The following SFXN3 variants were observed in gnomAD, a reference collection of about 807,000 sequenced individuals.
SFXN3 encodes the protein sideroflexin-3.
In SFXN3, 31 loss-of-function variants were observed where a neutral mutation model predicts 40.4. The observed-to-expected ratio is 0.77, with a 90% CI of 0.58 to 1.04. The LOEUF (loss-of-function observed/expected upper bound fraction) is 1.04. SFXN3 is among the 50% of genes least tolerant of loss of function. The pLI is 0.00. For missense variants in SFXN3, 366 were observed against 408.2 expected, an observed-to-expected ratio of 0.90 and a Z score of 0.89; for synonymous variants, 157 against 160.0, an observed-to-expected ratio of 0.98 and a Z score of 0.14.
chr10:101,039,460 G>T lies in SFXN3; in HGVS notation c.870-29G>T. ...CTGAGTGGGGTTGGATTCAGGGGAC[G>T]TTAACTGGCCTGTGCTGTTCTATTG... On this transcript the variant is annotated intron_variant, in intron 11 of 11. Transcript: ENST00000393459. The surrounding 1 kb of genome is among the most constrained non-coding windows in gnomAD (Gnocchi z 4.6). 6.2e-7 allele frequency: 1 copy of T among 1,604,038 alleles called. No individual in the cohort carries two copies. Among genetic ancestry groups the T allele is most frequent in the South Asian group, 1.1e-5 (1 of 90,854 alleles).
rs17855995 is a variant in SFXN3 at position 101,035,669 on chromosome 10, C to T, written c.332+2C>T. On this transcript the variant is annotated splice_donor_variant, in intron 4 of 11. Transcript: ENST00000393459. LOFTEE classifies it low-confidence loss of function (GC_TO_GT_DONOR). ...TGGCTGCATGCTCACATTCTACAGG[C>T]AGGTCTTGTCCCACGTCCCCTTCTT... The T allele has an allele frequency of 3.3e-5, 53 of 1,606,430 alleles. No individual in the cohort carries two copies. The East Asian group carries it at 1.2e-3, about 35-fold the overall frequency.
intron 4 of SFXN3, 102 bp from the exon 5 acceptor site, chr10:101,035,901 G>A: frequency 2.4e-6 from 3 of 1,239,290 alleles, no homozygotes; most frequent in South Asian, 1.2e-5. Flanking sequence ...CATTAACTGG[G>A]TCCCTTCTTA....
rs955995594 is a variant in SFXN3 at position 101,036,868 on chromosome 10, G to A, written c.593+60G>A. On this transcript the variant is annotated intron_variant, in intron 7 of 11. Transcript: ENST00000393459. This position sits in a 1 kb window ranked among gnomAD's most constrained non-coding sequence, Gnocchi z 4.2. ...AGAATGTAGCACACTGTCCATCCAC[G>A]CAGACCACCTCAGAATGGGGACATC... The A allele has an allele frequency of 3.1e-6, 5 of 1,588,332 alleles. No homozygotes were observed. Among genetic ancestry groups the A allele is most frequent in the African/African-American group, 2.7e-5 (2 of 74,458 alleles).
intron 9 of SFXN3, chr10:101,038,407 T>C (rs977266217): frequency 1.1e-5 from 16 of 1,411,690 alleles, no homozygotes; most frequent in Non-Finnish European, 1.5e-5. Flanking sequence ...GGCAACCAAT[T>C]CTGAGAGGTG....
chr10:101,032,151 A>C, intron 1 of SFXN3, 163 bp from the exon 2 acceptor site: 1 of 328,408 alleles, frequency 3.0e-6, no homozygotes, highest in Non-Finnish European at 5.6e-6. Flanking sequence ...GGGGACTGTA[A>C]ACCAAGGGAG....
intron 2 of SFXN3, among the ~76,000 whole-genome samples, chr10:101,034,441 T>G (rs915578869): frequency 6.6e-6 from 1 of 152,222 alleles, no homozygotes; most frequent in East Asian, 1.9e-4. Flanking sequence ...AGCTACAAAT[T>G]AACAACATCT....
Position 101,039,186 on chromosome 10 carries a change from C to T in SFXN3, c.833C>T (p.Ala278Val). 1 of 1,611,222 alleles carries T rather than the reference C, an allele frequency of 6.2e-7. No individual in the cohort carries two copies. The highest frequency in any genetic ancestry group is 1.1e-5 in the South Asian group (1 of 90,730). ...CTTGTCTCCCCCAGCCTGGTATTTGCAACCCCCCTGTGCTGTGCCCTATTC... is the reference window on the plus strand; with the variant it reads ...CTTGTCTCCCCCAGCCTGGTATTTGTAACCCCCCTGTGCTGTGCCCTATTC... The change falls in exon 11 of 12, where the codon GCA becomes GTA. Residue 278 changes from alanine (A) to valine (V), a missense_variant. Ala to Val is a moderately conservative substitution (Grantham distance 64). Coordinates refer to ENST00000393459, the Ensembl canonical transcript of SFXN3. The surrounding 1 kb of genome is among the most constrained non-coding windows in gnomAD (Gnocchi z 4.6).
exon 8 of SFXN3, chr10:101,037,121 G>T: frequency 6.2e-7 from 1 of 1,613,998 alleles, no homozygotes; most frequent in Non-Finnish European, 8.5e-7. Context: ...CAGGTCAGAG[G>T]CTTGGCTACT....
chr10:101,032,101 A>G (rs1169995932), intron 1 of SFXN3: 1 of 242,810 alleles, frequency 4.1e-6, no homozygotes, highest in Non-Finnish European at 7.9e-6. Flanking sequence ...GGGCACCTAG[A>G]CCGCTTGCTG....
intron 3 of SFXN3, among the ~76,000 whole-genome samples, chr10:101,035,258 A>G (rs1938532539): frequency 6.6e-6 from 1 of 152,242 alleles, no homozygotes; most frequent in Non-Finnish European, 1.5e-5. Flanking sequence ...CTGACCCAGC[A>G]TTTTGGCAGA....
At chr10:101,035,792 G>T (rs868859431) in intron 4 of SFXN3, 125 bp downstream of exon 4, 1 of 1,367,510 alleles carries the variant, frequency 7.3e-7, no homozygotes, top group Middle Eastern at 1.9e-4. Context: ...CCATTCCTCA[G>T]AATTCAGCCT....
chr10:101,039,131 A>G lies in SFXN3; in HGVS notation c.822-44A>G. On this transcript the variant is annotated intron_variant, in intron 10 of 11. Coordinates refer to ENST00000393459, the Ensembl canonical transcript of SFXN3. This position sits in a 1 kb window ranked among gnomAD's most constrained non-coding sequence, Gnocchi z 4.6. ...GTGGGGTGCAGGGAGGGAACACCCTAAGGCCAAAGCTTTACAAACCTTTCC... is the reference window on the plus strand; with the variant it reads ...GTGGGGTGCAGGGAGGGAACACCCTGAGGCCAAAGCTTTACAAACCTTTCC... 6.3e-7 allele frequency: 1 copy of G among 1,577,858 alleles called. No homozygotes were observed. Among genetic ancestry groups the G allele is most frequent in the East Asian group, 2.2e-5 (1 of 44,702 alleles).
rs763692381 is a variant in SFXN3, at chr10:101,037,213, G to C, written c.721+10G>C. Reference sequence around the variant, plus strand: ...GCGATTCCTGCCATGGGTAAGGCGGGAGTGGCTGGGTGGGGCATAGGAGAC... The same window carrying C: ...GCGATTCCTGCCATGGGTAAGGCGGCAGTGGCTGGGTGGGGCATAGGAGAC... On this transcript the variant is annotated intron_variant, in intron 8 of 11. Coordinates refer to ENST00000393459, the Ensembl canonical transcript of SFXN3. 1.9e-6 allele frequency: 3 copies of C among 1,613,954 alleles called. No homozygotes were observed. In the South Asian group the frequency reaches 3.3e-5, roughly 18 times the overall value.
At chr10:101,037,076 A>G in exon 8 of SFXN3, 2 of 1,613,684 alleles carry the variant, frequency 1.2e-6, no homozygotes, top group Non-Finnish European at 1.7e-6. Flanking sequence ...TCCCTTGCAG[A>G]GAGCTGCAGG....
exon 12 of SFXN3, chr10:101,041,132 A>T (rs1938878231): frequency 6.6e-6 from 1 of 152,254 alleles, no homozygotes. Flanking sequence ...GGCAGATGAA[A>T]GGGCTTCAGT....
At chr10:101,034,519 A>G (rs900974146) in intron 2 of SFXN3, among the ~76,000 whole-genome samples, 173 bp from the exon 3 acceptor site, 2 of 151,948 alleles carry the variant, frequency 1.3e-5, no homozygotes, top group African/African-American at 4.9e-5. Context: ...TCCTTTCTAC[A>G]TAGACACAGT....
At chr10:101,038,656 T>C (rs780215887) in exon 10 of SFXN3, 3 of 1,613,474 alleles carry the variant, frequency 1.9e-6, no homozygotes, top group Non-Finnish European at 2.5e-6. Flanking sequence ...CGCCCCTGGC[T>C]GGGGGCACCC....
intron 3 of SFXN3, 115 bp from the exon 4 acceptor site, chr10:101,035,382 G>C (rs948248465): frequency 1.7e-5 from 21 of 1,246,926 alleles, no homozygotes; most frequent in Middle Eastern, 2.9e-4. Context: ...TGCTGAGACT[G>C]GGGGCTGAAG....
Position 101,036,566 on chromosome 10 carries a change from A to G in SFXN3, c.507+5A>G. ...GGACTCAAATCCCTCACCAAGGTAA[A>G]GGCCCCTCACTCCCCTGACCACCCC... On this transcript the variant is annotated splice_donor_5th_base_variant and intron_variant, in intron 6 of 11. Transcript: ENST00000393459. The surrounding 1 kb of genome is among the most constrained non-coding windows in gnomAD (Gnocchi z 4.2). The G allele has an allele frequency of 6.2e-7, 1 of 1,613,946 alleles. No homozygotes were observed. Among genetic ancestry groups the G allele is most frequent in the Non-Finnish European group, 8.5e-7 (1 of 1,179,926 alleles).
Sources: gnomAD v4.1 joint callset for allele counts (sites outside exome capture counted in the v4.1 genomes callset) on GRCh38, gnomAD v4.1.1 for gene constraint, Gnocchi (gnomAD v3.1) non-coding constraint, MANE v1.5 for transcripts, NCBI Gene and HGNC (gene_info 2026-07-23, HGNC 2026-07-21) for gene names.